The following STMND1 variants were observed in gnomAD, a reference collection of about 807,000 sequenced individuals.
The protein encoded by STMND1 is stathmin domain-containing protein 1.
In STMND1, 17 loss-of-function variants were observed where a neutral mutation model predicts 23.0. The ratio of observed to expected loss-of-function variants is 0.74; its 90% CI spans 0.51 to 1.11. The LOEUF (loss-of-function observed/expected upper bound fraction) is 1.11, where lower values mean the gene tolerates loss of function less well. STMND1 is among the 50% of genes least tolerant of loss of function. STMND1 has a pLI of 0.00. For missense variants in STMND1, 305 were observed against 329.1 expected (o/e 0.93, Z 0.57); for synonymous variants, 114 against 119.9 (o/e 0.95, Z 0.32).
chr6:17,120,116 A>G (rs1761212016), intron 2 of STMND1, among the ~76,000 whole-genome samples: 1 of 152,252 alleles, frequency 6.6e-6, no homozygotes, highest in Non-Finnish European at 1.5e-5. Flanking sequence ...TTACTTATGT[A>G]GACTTAGCAG....
chr6:17,115,372 T>TAAAAAAAAA (rs75171969), intron 2 of STMND1, among the ~76,000 whole-genome samples: 8 of 116,092 alleles, frequency 6.9e-5, no homozygotes, highest in Non-Finnish European at 8.8e-5. Flanking sequence ...GGACCATCTT[T>TAAAAAAAAA]AAAAAAAAAA....
chr6:17,129,016 A>T (rs1761347787), intron 3 of STMND1, 96 bp from the exon 4 acceptor site: 1 of 1,327,682 alleles, frequency 7.5e-7, no homozygotes, highest in Admixed American at 2.3e-5. Flanking sequence ...CCCAGACTAG[A>T]ATTTACATTT....
At chr6:17,115,745 A>G (rs1393216524) in intron 2 of STMND1, among the ~76,000 whole-genome samples, 1 of 151,918 alleles carries the variant, frequency 6.6e-6, no homozygotes, top group Non-Finnish European at 1.5e-5. Context: ...TTTGAAACAT[A>G]TTGAACTTCA....
intron 3 of STMND1, among the ~76,000 whole-genome samples, chr6:17,122,908 T>C (rs1246354292): frequency 6.6e-6 from 1 of 151,942 alleles, no homozygotes; most frequent in East Asian, 1.9e-4. Flanking sequence ...AGAGGAAAGA[T>C]TTTTTTCTAG....
At chr6:17,115,562 C>A (rs936830020) in intron 2 of STMND1, among the ~76,000 whole-genome samples, 2 of 152,062 alleles carry the variant, frequency 1.3e-5, no homozygotes, top group African/African-American at 2.4e-5. Flanking sequence ...TTTTCCCATC[C>A]AAAGTATCAG....
intron 1 of STMND1, among the ~76,000 whole-genome samples, chr6:17,108,236 T>G (rs1761051971): frequency 6.6e-6 from 1 of 152,220 alleles, no homozygotes; most frequent in African/African-American, 2.4e-5. Flanking sequence ...AACTCAATTG[T>G]GAGGTCACTG....
intron 1 of STMND1, chr6:17,110,999 C>A (rs1307547533): frequency 2.9e-6 from 1 of 349,424 alleles, no homozygotes; most frequent in African/African-American, 2.2e-5. Flanking sequence ...AGGGGAGATA[C>A]GATAAAAGTT....
intron 1 of STMND1, among the ~76,000 whole-genome samples, chr6:17,111,563 C>G (rs977157937): frequency 6.6e-6 from 1 of 152,134 alleles, no homozygotes; most frequent in African/African-American, 2.4e-5. Flanking sequence ...GTAGCTACTC[C>G]TTATCACTAA....
intron 3 of STMND1, among the ~76,000 whole-genome samples, chr6:17,126,209 G>A (rs573161822): frequency 5.5e-4 from 82 of 149,114 alleles, no homozygotes; most frequent in African/African-American, 3.0e-4. Context: ...GAGCCACTGC[G>A]CCCAGCTCAT....
intron 1 of STMND1, among the ~76,000 whole-genome samples, chr6:17,105,805 G>A (rs1030174692): frequency 3.3e-5 from 5 of 150,794 alleles, no homozygotes; most frequent in Non-Finnish European, 7.4e-5. Flanking sequence ...GGCTTCTGTA[G>A]TCCCAGCTAC....
At chr6:17,124,681 G>A (rs1012473926) in intron 3 of STMND1, among the ~76,000 whole-genome samples, 6 of 152,252 alleles carry the variant, frequency 3.9e-5, no homozygotes, top group East Asian at 1.9e-4. Flanking sequence ...ATGTTTATGC[G>A]AGAATATTTT....
chr6:17,119,713 A>T (rs1335878974), intron 2 of STMND1, among the ~76,000 whole-genome samples: 4 of 151,754 alleles, frequency 2.6e-5, no homozygotes, highest in African/African-American at 4.8e-5. Context: ...AAAAAAAAAA[A>T]GAAAAGAAAT....
At chr6:17,114,561 C>T (rs576004000) in intron 1 of STMND1, among the ~76,000 whole-genome samples, 64 of 152,200 alleles carry the variant, frequency 4.2e-4, no homozygotes, top group African/African-American at 5.5e-4. Context: ...CCACTGCGCC[C>T]GGCCACATTA....
intron 3 of STMND1, among the ~76,000 whole-genome samples, chr6:17,123,379 G>A (rs1220845403): frequency 5.3e-5 from 8 of 152,090 alleles, no homozygotes; most frequent in African/African-American, 1.9e-4. Context: ...TTTGGCTTTG[G>A]TATTAGGCCA....
At chr6:17,105,003 A>G (rs2113470744) in intron 1 of STMND1, among the ~76,000 whole-genome samples, 1 of 152,374 alleles carries the variant, frequency 6.6e-6, no homozygotes, top group East Asian at 1.9e-4. Flanking sequence ...GAACATGTAT[A>G]GACTTTTTTT....
In STMND1 at chr6:17,131,122, G is replaced by T. The variant is rs1473624262; in HGVS notation, c.*241G>T. ...GCATAGATATTTGGCACTCTCCTTT[G>T]TGTGGCTTCAAACATTATGGAGATG... On this transcript the variant is annotated 3_prime_UTR_variant, in exon 5 of 5. Coordinates refer to ENST00000536551, the MANE Select transcript of STMND1 (RefSeq NM_001190766.2). 1 of 413,050 alleles carries T rather than the reference G, an allele frequency of 2.4e-6. No individual in the cohort carries two copies. The highest frequency in any genetic ancestry group is 3.6e-5 in the East Asian group (1 of 27,404). The allele number at this position is 413,050 out of a possible 1,614,324, so 25.6% of individuals were successfully genotyped here.
At chr6:17,129,074 A>G (rs775970658) in intron 3 of STMND1, 38 bp from the exon 4 acceptor site, 1 of 1,528,854 alleles carries the variant, frequency 6.5e-7, no homozygotes, top group South Asian at 1.2e-5. Flanking sequence ...GCCAGTGAAT[A>G]TGATTGTTTC....
intron 4 of STMND1, among the ~76,000 whole-genome samples, chr6:17,130,119 C>T (rs1451252613): frequency 6.6e-6 from 1 of 152,074 alleles, no homozygotes; most frequent in East Asian, 1.9e-4. Flanking sequence ...ATCCATATAG[C>T]CTAAGTAAGC....
In STMND1 at chr6:17,115,078, A is replaced by G; in HGVS notation, c.198A>G (p.Leu66=). The G allele has an allele frequency of 6.5e-7, 1 of 1,536,052 alleles. No homozygotes were observed. The highest frequency in any genetic ancestry group is 8.7e-7 in the Non-Finnish European group (1 of 1,146,864). The change falls in exon 2 of 5, where the codon TTA becomes TTG. Residue 66 remains leucine (L), a synonymous_variant. Transcript: ENST00000536551. ...EGLEQVQMGS[L]PGTISENSPS... ...TGGAACAAGTCCAGATGGGAAGCTT[A>G]CCTGGAACCATTTCAGAAAATTCTC...
Sources: gnomAD v4.1 joint callset for allele counts (sites outside exome capture counted in the v4.1 genomes callset) on GRCh38, gnomAD v4.1.1 for gene constraint, MANE v1.5 for transcripts, NCBI Gene and HGNC (gene_info 2026-07-23, HGNC 2026-07-21) for gene names.